MDH1: variants seen among roughly 807,000 people sequenced by gnomAD.
The protein encoded by MDH1 is malate dehydrogenase, cytoplasmic.
A neutral mutation model predicts 38.7 loss-of-function variants in MDH1; 15 were observed. The ratio of observed to expected loss-of-function variants is 0.39; its 90% confidence interval spans 0.26 to 0.60. MDH1 has a LOEUF of 0.60. MDH1 is among the 20% of genes least tolerant of loss of function. The probability of loss-of-function intolerance (pLI) is 0.56; values close to 1 mark genes in which losing one functional copy is unlikely to be tolerated. For synonymous variants in MDH1, 144 were observed against 143.6 expected (o/e 1.00, Z -0.02); for missense variants, 368 against 405.2 (o/e 0.91, Z 0.79).
intron 1 of MDH1, 175 bp downstream of exon 1, chr2:63,589,221 A>G: frequency 1.9e-6 from 3 of 1,568,700 alleles, no homozygotes; most frequent in Non-Finnish European, 1.7e-6. Flanking sequence ...ATGGGAAGGG[A>G]TTGATTTCCA....
rs779779818 is a variant in MDH1 at position 63,597,536 on chromosome 2, G to T, written c.337G>T (p.Gly113Cys). 1.4e-6 allele frequency: 2 copies of T among 1,480,554 alleles called. No homozygotes were observed. The highest frequency in any genetic ancestry group is 1.8e-6 in the Non-Finnish European group (2 of 1,105,904). The allele number at this position is 1,480,554 out of a possible 1,614,324, so 91.7% of individuals were successfully genotyped here. A position where few individuals can be genotyped will look rare whatever the true frequency, so the allele number is the denominator to read the frequency against. ...KANVKIFKSQGAALDKYAKKS... is the reference protein window; with the variant it reads ...KANVKIFKSQCAALDKYAKKS... ...AAATGTGAAAATCTTCAAATCCCAG[G>T]GTGCAGCCTTAGATAAATACGCCAA... The change falls in exon 4 of 9, where the codon GGT becomes TGT. Residue 113 changes from glycine (G) to cysteine (C), a missense_variant. Gly to Cys is a radical substitution (Grantham distance 159). Transcript: ENST00000233114.
intron 5 of MDH1, among the ~76,000 whole-genome samples, chr2:63,600,953 C>A (rs772276637): frequency 6.6e-6 from 1 of 152,168 alleles, no homozygotes; most frequent in Non-Finnish European, 1.5e-5. Flanking sequence ...TGTTGTTTCA[C>A]CTGAGGCTTT....
chr2:63,593,412 A>T (rs953604763), intron 1 of MDH1: 25 of 330,066 alleles, frequency 7.6e-5, no homozygotes, highest in Middle Eastern at 1.8e-3. Context: ...CTTTTTTGAA[A>T]TTTTTTTTTT....
At position 63,607,023 on chromosome 2, in the gene MDH1, A is replaced by G. The variant is rs1014407588; in HGVS notation, c.*36A>G. The G allele has an allele frequency of 6.3e-7, 1 of 1,585,316 alleles. No individual in the cohort carries two copies. Among genetic ancestry groups the G allele is most frequent in the Non-Finnish European group, 8.6e-7 (1 of 1,167,866 alleles). ...ATGTTACTAAATGCTTCAAAGCTGA[A>G]GAATCTAAATGTCGTCTTTGACTCA... On this transcript the variant is annotated 3_prime_UTR_variant, in exon 9 of 9. Transcript: ENST00000233114.
chr2:63,590,779 G>C (rs947384553), intron 1 of MDH1: 1 of 152,138 alleles, frequency 6.6e-6, no homozygotes, highest in Non-Finnish European at 1.5e-5. Flanking sequence ...GGAAGAATTT[G>C]TCTGGCAGTT....
chr2:63,592,546 A>G (rs1427485706), intron 1 of MDH1, among the ~76,000 whole-genome samples: 2 of 152,140 alleles, frequency 1.3e-5, no homozygotes, highest in African/African-American at 2.4e-5. Flanking sequence ...GGGTTTCACT[A>G]TGTAGCCCAG....
At chr2:63,604,065 A>G (rs1346332829) in intron 5 of MDH1, among the ~76,000 whole-genome samples, 1 of 149,400 alleles carries the variant, frequency 6.7e-6, no homozygotes, top group Non-Finnish European at 1.5e-5. Flanking sequence ...ATTGTTACAT[A>G]TGTTATAATT....
intron 2 of MDH1, 85 bp downstream of exon 2, chr2:63,594,671 T>C: frequency 1.1e-6 from 1 of 949,804 alleles, no homozygotes; most frequent in Non-Finnish European, 1.6e-6. Context: ...CACAAATTGT[T>C]AAACAGTGAA....
intron 2 of MDH1, 46 bp downstream of exon 2, chr2:63,594,632 T>C: frequency 7.5e-7 from 1 of 1,329,914 alleles, no homozygotes; most frequent in Non-Finnish European, 1.1e-6. Flanking sequence ...AGTAAGAATA[T>C]GGTTAATAAA....
At chr2:63,593,728 A>G (rs1709246890) in intron 1 of MDH1, 2 of 469,966 alleles carry the variant, frequency 4.3e-6, no homozygotes, top group Non-Finnish European at 4.4e-6. Flanking sequence ...AAACCTACCC[A>G]TTACGTTTCT....
intron 3 of MDH1, among the ~76,000 whole-genome samples, chr2:63,596,889 A>C (rs967695750): frequency 3.3e-5 from 5 of 152,214 alleles, no homozygotes; most frequent in African/African-American, 1.2e-4. Flanking sequence ...AATCTCTTTA[A>C]ACCTCAGTGT....
chr2:63,589,421 T>C, intron 1 of MDH1: 6 of 1,524,036 alleles, frequency 3.9e-6, no homozygotes, highest in East Asian at 2.5e-5. Flanking sequence ...TCCTAACCCC[T>C]TTTTCTCCTC....
At chr2:63,593,552 G>C (rs1709242936) in intron 1 of MDH1, 1 of 471,244 alleles carries the variant, frequency 2.1e-6, no homozygotes, top group Admixed American at 2.3e-5. Context: ...ACTCTCATCT[G>C]GAAGAAGGAA....
At chr2:63,595,814 T>TAC (rs1037239612) in intron 3 of MDH1, among the ~76,000 whole-genome samples, 5 of 152,180 alleles carry the variant, frequency 3.3e-5, no homozygotes, top group East Asian at 3.9e-4. Context: ...TGAAATTGTC[T>TAC]ACACACACAC....
chr2:63,606,149 AG>A, intron 8 of MDH1, 121 bp downstream of exon 8: 1 of 935,452 alleles, frequency 1.1e-6, no homozygotes, highest in South Asian at 1.4e-5. Context: ...TGGAAGGGCA[AG>A]GTGGCAAGAT....
At chr2:63,598,603 A>T (rs1306081367) in intron 4 of MDH1, among the ~76,000 whole-genome samples, 1 of 152,208 alleles carries the variant, frequency 6.6e-6, no homozygotes, top group East Asian at 1.9e-4. Context: ...TCTATCAATA[A>T]CATTTCATAG....
chr2:63,597,451 C>T lies in MDH1; in HGVS notation c.252C>T (p.Ala84=), dbSNP rs527491180. The T allele has an allele frequency of 1.3e-6, 2 of 1,500,484 alleles. No homozygotes were observed. Among genetic ancestry groups the T allele is most frequent in the South Asian group, 2.7e-5 (2 of 74,034 alleles). 92.9% of individuals were successfully genotyped at this position (1,500,484 alleles called of 1,614,324 possible). The change falls in exon 4 of 9, where the codon GCC becomes GCT. Residue 84 remains alanine (A), a synonymous_variant. Transcript: ENST00000233114. ...TTGCCTTCAAAGACCTGGATGTGGC[C>T]ATTCTTGTGGGCTCCATGCCAAGAA... is the stretch of plus-strand genomic sequence containing the variant. The part of the protein sequence containing the change: ...EDVAFKDLDV[A]ILVGSMPRRE...
intron 7 of MDH1, 102 bp downstream of exon 7, chr2:63,605,495 C>T (rs956326359): frequency 2.4e-6 from 2 of 819,368 alleles, no homozygotes; most frequent in African/African-American, 3.5e-5. Flanking sequence ...AGGTTAGGTT[C>T]ATTTCTCAGC....
intron 1 of MDH1, among the ~76,000 whole-genome samples, chr2:63,592,973 G>A (rs1001652076): frequency 1.3e-5 from 2 of 151,666 alleles, no homozygotes; most frequent in Non-Finnish European, 2.9e-5. Context: ...TGAAAAACGT[G>A]TAGGCCATTA....
Sources: allele counts gnomAD v4.1 joint callset (sites outside exome capture counted in the v4.1 genomes callset), GRCh38; gene constraint gnomAD v4.1.1; transcripts MANE v1.5; gene names NCBI Gene and HGNC (gene_info 2026-07-23, HGNC 2026-07-21).